SPATA16: variants seen among roughly 807,000 people sequenced by gnomAD.
SPATA16 encodes spermatogenesis associated 16, also known as spermatogenesis-associated protein 16.
Under a neutral mutation model 63.3 loss-of-function variants are expected in SPATA16, and 36 were observed. The ratio of observed to expected loss-of-function variants is 0.57; its 90% confidence interval spans 0.44 to 0.75. The LOEUF is 0.75. Among genes scored for constraint, SPATA16 ranks in the 30% least tolerant of loss-of-function variants. The pLI, the probability that SPATA16 is intolerant of heterozygous loss-of-function variation, is 0.00. For synonymous variants in SPATA16, 203 were observed against 216.7 expected (o/e 0.94, Z 0.56); for missense variants, 646 against 679.3 (o/e 0.95, Z 0.54).
At chr3:172,971,637 CTAAG>C (rs771800240) in intron 5 of SPATA16, among the ~76,000 whole-genome samples, 6 of 152,252 alleles carry the variant, frequency 3.9e-5, no homozygotes, top group Non-Finnish European at 4.4e-5. Context: ...CATACAGTCA[CTAAG>C]TAAGTATTTG....
At chr3:173,021,530 T>C (rs1233602345) in intron 3 of SPATA16, among the ~76,000 whole-genome samples, 1 of 152,174 alleles carries the variant, frequency 6.6e-6, no homozygotes, top group Non-Finnish European at 1.5e-5. Context: ...ATAATACTAA[T>C]ATTTACCATG....
chr3:172,916,314 T>C lies in SPATA16; in HGVS notation c.1503+3A>G, dbSNP rs773919056. The C allele has an allele frequency of 2.5e-6, 4 of 1,613,126 alleles. No individual in the cohort carries two copies. In the South Asian group the frequency reaches 4.4e-5, roughly 18 times the overall value. The stretch of plus-strand genomic sequence containing the variant: ...AAACCCTTAAACAAAGAAAAATACT[T>C]ACCAATTCTGCCTCCTGTTGACTGA... On this transcript the variant is annotated splice_donor_region_variant and intron_variant, in intron 9 of 10. Transcript: ENST00000351008.
intron 6 of SPATA16, among the ~76,000 whole-genome samples, chr3:172,938,127 A>G (rs1733052322): frequency 6.6e-6 from 1 of 152,188 alleles, no homozygotes. Context: ...TTGGTGCCCC[A>G]TGTAACTTAA....
rs146363552 is a variant in SPATA16 at position 173,117,156 on chromosome 3, G to C, written c.576C>G (p.Tyr192Ter). 1.2e-6 allele frequency: 2 copies of C among 1,614,026 alleles called. No homozygotes were observed. Among genetic ancestry groups the C allele is most frequent in the African/African-American group, 2.7e-5 (2 of 75,014 alleles). The change falls in exon 2 of 11, where the codon TAC becomes TAG. Residue 192 changes from tyrosine to a stop codon, truncating the protein, a stop_gained. Coordinates refer to ENST00000351008, the MANE Select transcript of SPATA16 (RefSeq NM_031955.6). LOFTEE classifies it high-confidence loss of function. ...TTCTGAACTGTCCTGCTGCCAAGGC[G>C]TATTTCTTTTGTCTATAGCAAGAGC... ...DASSCYRQKK[Y>*]ALAAGQFRTA...
At chr3:173,025,816 G>A (rs9862982) in intron 3 of SPATA16, among the ~76,000 whole-genome samples, 4,635 of 151,964 alleles carry the variant, frequency 0.031, 259 homozygotes, top group African/African-American at 0.11. Context: ...TTAACTATTA[G>A]CAGTTTCCAC....
At chr3:172,898,536 T>C (rs1307777812) in intron 10 of SPATA16, among the ~76,000 whole-genome samples, 2 of 152,008 alleles carry the variant, frequency 1.3e-5, no homozygotes, top group African/African-American at 2.4e-5. Flanking sequence ...ATCCTTTTAC[T>C]GTCTGCAGCA....
chr3:172,924,164 T>C, intron 8 of SPATA16, 44 bp downstream of exon 8: 1 of 1,444,708 alleles, frequency 6.9e-7, no homozygotes, highest in Non-Finnish European at 9.7e-7. Flanking sequence ...TAGAATTCTC[T>C]AATATTTGTA....
At chr3:173,009,575 A>G (rs534430803) in intron 4 of SPATA16, among the ~76,000 whole-genome samples, 2 of 152,266 alleles carry the variant, frequency 1.3e-5, no homozygotes, top group Admixed American at 6.5e-5. Flanking sequence ...AGCCCCACCA[A>G]CAGGGGAGGC....
chr3:172,892,544 A>G (rs1416306037), intron 10 of SPATA16, among the ~76,000 whole-genome samples: 2 of 152,212 alleles, frequency 1.3e-5, no homozygotes, highest in East Asian at 1.9e-4. Flanking sequence ...AAGTAAGTCA[A>G]TTTTAGCTTC....
chr3:172,911,316 C>A (rs993468505), intron 10 of SPATA16, among the ~76,000 whole-genome samples: 8 of 152,182 alleles, frequency 5.3e-5, no homozygotes, highest in Non-Finnish European at 1.2e-4. Context: ...AGGACTCTAA[C>A]CTCAGGGACA....
intron 5 of SPATA16, among the ~76,000 whole-genome samples, 182 bp from the exon 6 acceptor site, chr3:172,957,006 C>T (rs916924843): frequency 1.3e-5 from 2 of 152,046 alleles, no homozygotes; most frequent in African/African-American, 4.8e-5. Context: ...AATACTATTT[C>T]ATATTAAGAA....
At chr3:172,903,955 T>C (rs900846834) in intron 10 of SPATA16, among the ~76,000 whole-genome samples, 1 of 152,216 alleles carries the variant, frequency 6.6e-6, no homozygotes, top group African/African-American at 2.4e-5. Context: ...ACGTTCTTTG[T>C]GCCATTGACT....
intron 2 of SPATA16, among the ~76,000 whole-genome samples, chr3:173,087,276 C>T (rs111601620): frequency 1.5e-3 from 234 of 152,218 alleles, no homozygotes; most frequent in African/African-American, 5.4e-3. Flanking sequence ...TACATTAATG[C>T]AATGCCCGTC....
intron 4 of SPATA16, among the ~76,000 whole-genome samples, chr3:173,001,442 T>A (rs934014227): frequency 2.0e-5 from 3 of 152,120 alleles, no homozygotes; most frequent in African/African-American, 7.2e-5. Context: ...TGTGGTGTAT[T>A]TCAAAATGAT....
intron 5 of SPATA16, among the ~76,000 whole-genome samples, chr3:172,968,812 G>A (rs543561681): frequency 2.6e-5 from 4 of 152,202 alleles, no homozygotes; most frequent in African/African-American, 4.8e-5. Flanking sequence ...ACCTCAAATA[G>A]CATCAAAGCA....
At chr3:173,018,701 T>G (rs549550066) in intron 4 of SPATA16, among the ~76,000 whole-genome samples, 24 of 152,314 alleles carry the variant, frequency 1.6e-4, no homozygotes, top group African/African-American at 5.5e-4. Flanking sequence ...AGATTTATCC[T>G]TAGAAGTTGT....
rs1736443962 is a variant in SPATA16, at chr3:173,063,679, A to T, written c.613-14585T>A. On this transcript the variant is annotated intron_variant, in intron 2 of 10. Transcript: ENST00000351008. ...TTTTGCCTTAATATATAAACTGCAG[A>T]TTTACTACAGATTTTTCCAATTTAT... Among the ~76,000 whole-genome samples, 3 of 152,160 alleles carry T rather than the reference A, an allele frequency of 2.0e-5. No homozygotes were observed. In the South Asian group the frequency reaches 6.2e-4, roughly 32 times the overall value.
intron 2 of SPATA16, among the ~76,000 whole-genome samples, chr3:173,093,252 G>A (rs908375743): frequency 6.6e-6 from 1 of 151,946 alleles, no homozygotes. Context: ...GTCTTTCTTT[G>A]CTAACAAAAT....
chr3:173,002,881 C>A (rs897505150), intron 4 of SPATA16, among the ~76,000 whole-genome samples: 2 of 152,114 alleles, frequency 1.3e-5, no homozygotes, highest in Admixed American at 6.5e-5. Flanking sequence ...ATAGCAGATT[C>A]CTAGCTCTCT....
Sources: gnomAD v4.1 joint callset for allele counts (sites outside exome capture counted in the v4.1 genomes callset) on GRCh38, gnomAD v4.1.1 for gene constraint, MANE v1.5 for transcripts, NCBI Gene and HGNC (gene_info 2026-07-23, HGNC 2026-07-21) for gene names.